CCT7: variants seen among roughly 807,000 people sequenced by gnomAD.
The protein encoded by CCT7 is T-complex protein 1 subunit eta.
In CCT7, 16 loss-of-function variants were observed where a neutral mutation model predicts 56.6. The observed-to-expected ratio is 0.28, with a 90% CI of 0.19 to 0.43. The LOEUF (loss-of-function observed/expected upper bound fraction) is 0.43. Ranked by LOEUF, CCT7 falls within the 20% of genes least tolerant of loss-of-function variation. The pLI is 1.00. For missense variants in CCT7, 519 were observed against 685.6 expected, an observed-to-expected ratio of 0.76 and a Z score of 2.71; for synonymous variants, 262 against 254.8, an observed-to-expected ratio of 1.03 and a Z score of -0.27.
chr2:73,243,195 AT>A lies in CCT7; in HGVS notation c.393+69del, dbSNP rs1687190765. On this transcript the variant is annotated intron_variant, in intron 4 of 11. Coordinates refer to ENST00000258091, the MANE Select transcript of CCT7 (RefSeq NM_006429.4). ...CTTCACATTTCTCTTAGGAAGGGGA[AT>A]TTCTTTTCAGGAGTGTGGAGGGACT... 8 of 1,574,946 alleles carry A rather than the reference AT, an allele frequency of 5.1e-6. No homozygotes were observed. The Admixed American group carries it at 1.2e-4, about 24-fold the overall frequency.
intron 2 of CCT7, 51 bp downstream of exon 2, chr2:73,239,847 G>A (rs1194248971): frequency 2.6e-6 from 4 of 1,526,306 alleles, no homozygotes; most frequent in Non-Finnish European, 3.6e-6. Context: ...AGGCTCCTGA[G>A]GGGGTGTTTG....
chr2:73,250,447 C>G lies in CCT7; in HGVS notation c.1203+9C>G. ...TCAGGAGGGCCATCAAGGTACTGGG[C>G]TGATATCCTCCTGCTTGCACAGCCT... On this transcript the variant is annotated intron_variant, in intron 10 of 11. Coordinates refer to ENST00000258091, the MANE Select transcript of CCT7 (RefSeq NM_006429.4). 1 of 1,613,594 alleles carries G rather than the reference C, an allele frequency of 6.2e-7. No homozygotes were observed. Among genetic ancestry groups the G allele is most frequent in the Non-Finnish European group, 8.5e-7 (1 of 1,179,934 alleles).
chr2:73,244,139 GATCTCCCAC>G, intron 5 of CCT7, 90 bp downstream of exon 5: 2 of 1,266,424 alleles, frequency 1.6e-6, no homozygotes, highest in Non-Finnish European at 2.2e-6. Flanking sequence ...TGGCTCAAGT[GATCTCCCAC>G]CTGCGACTCC....
At chr2:73,245,236 T>C (rs574932940) in intron 6 of CCT7, among the ~76,000 whole-genome samples, 2 of 152,364 alleles carry the variant, frequency 1.3e-5, no homozygotes, top group East Asian at 3.9e-4. Context: ...TGTGCATATA[T>C]GAACATGTAT....
In CCT7 at chr2:73,249,862, C is replaced by T. The variant is rs1481852369; in HGVS notation, c.1016C>T (p.Ala339Val). 6.2e-7 allele frequency: 1 copy of T among 1,613,970 alleles called. No individual in the cohort carries two copies. Among genetic ancestry groups the T allele is most frequent in the South Asian group, 1.1e-5 (1 of 91,080 alleles). ...SIQTSVNALS[A>V]DVLGRCQVFE... ...CAGACCAGTGTGAATGCTCTGTCAG[C>T]AGATGTGCTGGGTCGATGCCAGGTG... Residue 339 changes from alanine (A) to valine (V), a missense_variant, in exon 9 of 12, where the codon GCA becomes GTA. This residue lies in a region of CCT7 where 237 missense variants were observed against 300.8 expected (regional missense o/e 0.79). Coordinates refer to ENST00000258091, the MANE Select transcript of CCT7 (RefSeq NM_006429.4).
intron 1 of CCT7, among the ~76,000 whole-genome samples, chr2:73,238,848 C>T (rs528566263): frequency 1.3e-5 from 2 of 152,286 alleles, no homozygotes; most frequent in East Asian, 3.9e-4. Context: ...TGAGCGGGCC[C>T]TTTAAAACAA....
intron 6 of CCT7, among the ~76,000 whole-genome samples, chr2:73,245,283 A>G (rs1687287074): frequency 6.6e-6 from 1 of 152,224 alleles, no homozygotes; most frequent in African/African-American, 2.4e-5. Context: ...GATTGCTTAT[A>G]TAGTGTTCTG....
In CCT7 at chr2:73,243,984, C is replaced by T. The variant is rs1687222227; in HGVS notation, c.394-13C>T. ...TTAGCATGAGAGACTCATTCAACTTCTGTTCTTGGCAGGCAGTTAACAAGA... is the reference window on the plus strand; with the variant it reads ...TTAGCATGAGAGACTCATTCAACTTTTGTTCTTGGCAGGCAGTTAACAAGA... On this transcript the variant is annotated splice_polypyrimidine_tract_variant and intron_variant, in intron 4 of 11. Coordinates refer to ENST00000258091, the MANE Select transcript of CCT7 (RefSeq NM_006429.4). 15 of 1,612,952 alleles carry T rather than the reference C, an allele frequency of 9.3e-6. No individual in the cohort carries two copies. Among genetic ancestry groups the T allele is most frequent in the African/African-American group, 1.3e-5 (1 of 74,784 alleles).
chr2:73,244,499 A>G (rs753880153), intron 5 of CCT7, 45 bp from the exon 6 acceptor site: 493 of 1,540,758 alleles, frequency 3.2e-4, no homozygotes, highest in Non-Finnish European at 1.9e-5. Flanking sequence ...GATAAGAGGG[A>G]TTTGGTTTTC....
intron 1 of CCT7, among the ~76,000 whole-genome samples, chr2:73,235,259 C>T (rs1352911243): frequency 6.6e-6 from 1 of 152,122 alleles, no homozygotes; most frequent in Non-Finnish European, 1.5e-5. Flanking sequence ...TCCGTGGGTC[C>T]CAAGCCTCGA....
chr2:73,250,432 C>T lies in CCT7; in HGVS notation c.1197C>T (p.Ala399=), dbSNP rs778793548. The change falls in exon 10 of 12, where the codon GCC becomes GCT. Residue 399 remains alanine, a synonymous_variant. Coordinates refer to ENST00000258091, the MANE Select transcript of CCT7 (RefSeq NM_006429.4). ...ATGCCATCATGATCGTCAGGAGGGC[C>T]ATCAAGGTACTGGGCTGATATCCTC... The part of the protein sequence containing the change: ...LHDAIMIVRR[A]IKNDSVVAGG... 1.2e-6 allele frequency: 2 copies of T among 1,613,880 alleles called. No homozygotes were observed. Among genetic ancestry groups the T allele is most frequent in the East Asian group, 4.5e-5 (2 of 44,872 alleles).
intron 11 of CCT7, among the ~76,000 whole-genome samples, chr2:73,252,095 A>G (rs1687616926): frequency 1.3e-5 from 2 of 151,740 alleles, no homozygotes; most frequent in South Asian, 4.2e-4. Flanking sequence ...AGTTACTTCA[A>G]CCTCTCTGAG....
At chr2:73,247,604 C>T (rs145046802) in intron 6 of CCT7, among the ~76,000 whole-genome samples, 158 bp from the exon 7 acceptor site, 11 of 151,680 alleles carry the variant, frequency 7.3e-5, no homozygotes, top group East Asian at 1.9e-4. Flanking sequence ...GATTTGTCTT[C>T]GATTTTATGA....
At chr2:73,251,461 GGT>G in intron 11 of CCT7, 29 bp downstream of exon 11, 1 of 1,360,244 alleles carries the variant, frequency 7.4e-7, no homozygotes, top group Non-Finnish European at 1.0e-6. Flanking sequence ...CAGGGTTCAG[GGT>G]TTGGGCGGGT....
chr2:73,248,243 C>T (rs1185979311), intron 7 of CCT7, among the ~76,000 whole-genome samples: 2 of 152,176 alleles, frequency 1.3e-5, no homozygotes, highest in African/African-American at 4.8e-5. Context: ...CACTTCTAGA[C>T]TAGACCTAGT....
Position 73,249,270 on chromosome 2 carries a change from G to A in CCT7, c.972+91G>A, listed in dbSNP as rs1007172732. On this transcript the variant is annotated intron_variant, in intron 8 of 11. Coordinates refer to ENST00000258091, the MANE Select transcript of CCT7 (RefSeq NM_006429.4). ...GTATAACAGAGTGTACTGTCAGGTT[G>A]GCGTGTGAATTGAGCCCTGTTTTTT... The A allele has an allele frequency of 2.9e-6, 3 of 1,045,500 alleles. No homozygotes were observed. The African/African-American group carries it at 4.9e-5, about 17-fold the overall frequency. The allele number at this position is 1,045,500 out of a possible 1,614,324, so 64.8% of individuals were successfully genotyped here. A position where few individuals can be genotyped will look rare whatever the true frequency, so the allele number is the denominator to read the frequency against.
intron 3 of CCT7, 60 bp from the exon 4 acceptor site, chr2:73,242,944 G>A: frequency 6.2e-7 from 1 of 1,606,520 alleles, no homozygotes; most frequent in East Asian, 2.2e-5. Context: ...TAAAAATGGA[G>A]TTTCAGGGCT....
intron 1 of CCT7, chr2:73,235,642 C>T: frequency 1.3e-6 from 1 of 769,804 alleles, no homozygotes; most frequent in African/African-American, 1.9e-5. Context: ...CACTGAATGC[C>T]TAGGTTTGTA....
In CCT7 at chr2:73,243,089, C is replaced by G; in HGVS notation, c.353C>G (p.Pro118Arg). 1 of 1,613,980 alleles carries G rather than the reference C, an allele frequency of 6.2e-7. No homozygotes were observed. The highest frequency in any genetic ancestry group is 8.5e-7 in the Non-Finnish European group (1 of 1,179,880). The change falls in exon 4 of 12, where the codon CCC becomes CGC. Residue 118 changes from proline to arginine, a missense_variant. By Grantham distance (103) the Pro-to-Arg change is moderately radical. Around this residue, in one of 3 missense-constraint regions of CCT7, gnomAD observed 276 missense variants for 357.3 expected, o/e 0.77. Transcript: ENST00000258091. ...VKPYVEEGLHPQIIIRAFRTA... is the reference protein window; with the variant it reads ...VKPYVEEGLHRQIIIRAFRTA... ...CCCTATGTGGAGGAAGGTTTACACCCCCAGATCATCATTCGAGCTTTCCGC... is the reference window on the plus strand; with the variant it reads ...CCCTATGTGGAGGAAGGTTTACACCGCCAGATCATCATTCGAGCTTTCCGC...
Sources: gnomAD v4.1 joint callset for allele counts (sites outside exome capture counted in the v4.1 genomes callset) on GRCh38, gnomAD v4.1.1 for gene constraint, gnomAD v4.1.1 regional missense constraint, MANE v1.5 for transcripts, NCBI Gene and HGNC (gene_info 2026-07-23, HGNC 2026-07-21) for gene names.